PCDH19: variants seen among roughly 807,000 people sequenced by gnomAD.
PCDH19 encodes the protein protocadherin-19.
Under a neutral mutation model 46.2 loss-of-function variants are expected in PCDH19, and 6 were observed. That is an observed-to-expected ratio of 0.13 (90% CI 0.07 to 0.26). The LOEUF (loss-of-function observed/expected upper bound fraction) is 0.26. PCDH19 is among the 10% of genes least tolerant of loss of function. The pLI is 1.00. For missense variants in PCDH19, 740 were observed against 972.3 expected (o/e 0.76, Z 3.18); for synonymous variants, 481 against 415.7 (o/e 1.16, Z -1.91).
At chrX:100,373,752 GA>G (rs1223671927) in intron 3 of PCDH19, among the ~76,000 whole-genome samples, 3 of 110,763 alleles carry the variant, frequency 2.7e-5, no homozygotes, top group Admixed American at 9.6e-5. Context: ...GGAAAAATAA[GA>G]AAAAAAAATT....
intron 3 of PCDH19, among the ~76,000 whole-genome samples, chrX:100,351,601 A>G (rs1483437314): frequency 2.7e-5 from 3 of 112,016 alleles, no homozygotes; most frequent in East Asian, 5.6e-4. Flanking sequence ...TTCTTGAACC[A>G]TTGTATGATC....
chrX:100,392,153 G>C (rs778624510), intron 3 of PCDH19, among the ~76,000 whole-genome samples: 1 of 112,296 alleles, frequency 8.9e-6, no homozygotes, highest in Admixed American at 9.4e-5. Flanking sequence ...GGTATTTATA[G>C]CTTACCAGTT....
intron 5 of PCDH19, among the ~76,000 whole-genome samples, chrX:100,332,059 T>C (rs1925886624): frequency 8.9e-6 from 1 of 111,901 alleles, no homozygotes; most frequent in African/African-American, 3.3e-5. Flanking sequence ...ATGCAAAGTA[T>C]ACAGGGCACT....
At chrX:100,353,473 C>T (rs748317854) in intron 3 of PCDH19, among the ~76,000 whole-genome samples, 2 of 111,811 alleles carry the variant, frequency 1.8e-5, no homozygotes, top group Non-Finnish European at 3.8e-5. Flanking sequence ...GCCAGAGCCA[C>T]GTGTTCAGGC....
At chrX:100,401,172 C>T (rs1178678540) in intron 3 of PCDH19, among the ~76,000 whole-genome samples, 1 of 111,671 alleles carries the variant, frequency 9.0e-6, no homozygotes, top group African/African-American at 3.3e-5. Flanking sequence ...GGACATATGC[C>T]TCCCAGTGCA....
At chrX:100,306,470 C>G (rs1924948867) in intron 5 of PCDH19, among the ~76,000 whole-genome samples, 3 of 110,227 alleles carry the variant, frequency 2.7e-5, no homozygotes, top group African/African-American at 9.9e-5. Context: ...TCTGAAAAGG[C>G]AAAAATAGAC....
chrX:100,391,139 C>T (rs2147523707), intron 3 of PCDH19, among the ~76,000 whole-genome samples: 1 of 110,818 alleles, frequency 9.0e-6, no homozygotes, highest in Admixed American at 9.6e-5. Flanking sequence ...TCATGATATA[C>T]AAAACAGTTT....
At position 100,296,275 on chromosome X, in the gene PCDH19, G is replaced by GT; in HGVS notation, c.*1dup. Reference sequence around the variant, plus strand: ...TTCTTTCTCTTCTTCCTGGAGACTGGTTTAGAGAACGATATCCTTCAGACG... The same window carrying GT: ...TTCTTTCTCTTCTTCCTGGAGACTGGTTTTAGAGAACGATATCCTTCAGACG... On this transcript the variant is annotated 3_prime_UTR_variant, in exon 6 of 6. Transcript: ENST00000373034. 1 of 1,196,073 alleles carries GT rather than the reference G, an allele frequency of 8.4e-7. No homozygotes were observed. The highest frequency in any genetic ancestry group is 1.1e-6 in the Non-Finnish European group (1 of 881,190).
intron 1 of PCDH19, among the ~76,000 whole-genome samples, chrX:100,404,894 T>C (rs993951389): frequency 8.9e-6 from 1 of 112,127 alleles, no homozygotes; most frequent in Non-Finnish European, 1.9e-5. Flanking sequence ...CCACTAGCAG[T>C]CACAGGTTTG....
rs372129672 is a variant in PCDH19 at position 100,338,329 on chromosome X, G to A, written c.2848+3574C>T. ...TGCACTCCAGCCTGGGCGACAGAGCGAGACTCCGTCTCAAAAAAAAAAAAA... is the reference window on the plus strand; with the variant it reads ...TGCACTCCAGCCTGGGCGACAGAGCAAGACTCCGTCTCAAAAAAAAAAAAA... On this transcript the variant is annotated intron_variant, in intron 5 of 5. Transcript: ENST00000373034. 8.1e-4 allele frequency among the ~76,000 whole-genome samples: 71 copies of A among 87,934 alleles called. No homozygotes were observed. In the East Asian group the frequency reaches 0.017, roughly 21 times the overall value. The allele number at this position is 87,934 out of a possible 115,157, so 76.4% of individuals were successfully genotyped here.
intron 3 of PCDH19, among the ~76,000 whole-genome samples, chrX:100,351,955 G>A (rs1412535699): frequency 8.9e-6 from 1 of 112,061 alleles, no homozygotes; most frequent in African/African-American, 3.2e-5. Flanking sequence ...GGTAGGAAGG[G>A]GGACGGTGAA....
chrX:100,371,852 A>ACACG, intron 3 of PCDH19, among the ~76,000 whole-genome samples: 1 of 19,625 alleles, frequency 5.1e-5, no homozygotes, highest in Non-Finnish European at 1.1e-4. Context: ...ATGACTATAC[A>ACACG]CACACACACA....
chrX:100,358,258 CACAG>C (rs1243360501), intron 3 of PCDH19, among the ~76,000 whole-genome samples: 2 of 111,969 alleles, frequency 1.8e-5, no homozygotes, highest in African/African-American at 6.5e-5. Context: ...ACCTCTGAGT[CACAG>C]ACGGACAGTG....
chrX:100,306,930 C>A (rs186009763), intron 5 of PCDH19, among the ~76,000 whole-genome samples: 2 of 111,394 alleles, frequency 1.8e-5, no homozygotes, highest in East Asian at 5.7e-4. Context: ...CAATTGTCAA[C>A]AAGAGTCAGA....
chrX:100,363,856 C>CATGTATGTGTGT (rs57620335), intron 3 of PCDH19, among the ~76,000 whole-genome samples: 1 of 88,992 alleles, frequency 1.1e-5, no homozygotes, highest in Non-Finnish European at 2.1e-5. Flanking sequence ...AATGTGCGTG[C>CATGTATGTGTGT]GTGTGTGTGT....
chrX:100,373,066 T>G (rs1261174348), intron 3 of PCDH19, among the ~76,000 whole-genome samples: 1 of 112,770 alleles, frequency 8.9e-6, no homozygotes, highest in Non-Finnish European at 1.9e-5. Flanking sequence ...TGGAGTGCAG[T>G]GGCACAACCT....
At chrX:100,312,301 A>G (rs1200119950) in intron 5 of PCDH19, among the ~76,000 whole-genome samples, 1 of 111,318 alleles carries the variant, frequency 9.0e-6, no homozygotes, top group African/African-American at 3.3e-5. Flanking sequence ...CCAGGTAGAA[A>G]TCAACTTAAA....
chrX:100,322,865 A>ATATATATATATTTTTTTT, intron 5 of PCDH19, among the ~76,000 whole-genome samples: 20 of 54,404 alleles, frequency 3.7e-4, no homozygotes, highest in South Asian at 1.6e-3. Flanking sequence ...ATATATATAT[A>ATATATATATATTTTTTTT]TTTTTGCAGC....
chrX:100,322,354 C>T (rs1010595272), intron 5 of PCDH19, among the ~76,000 whole-genome samples: 4 of 110,725 alleles, frequency 3.6e-5, no homozygotes, highest in African/African-American at 1.3e-4. Flanking sequence ...TTTTTGTTTG[C>T]TTTGTTGAAG....
Sources: allele counts gnomAD v4.1 joint callset (sites outside exome capture counted in the v4.1 genomes callset), GRCh38; gene constraint gnomAD v4.1.1; transcripts MANE v1.5; gene names NCBI Gene and HGNC (gene_info 2026-07-23, HGNC 2026-07-21).